The following PRKG1 variants were observed in gnomAD, a reference collection of about 807,000 sequenced individuals.
PRKG1 encodes the protein cGMP-dependent protein kinase 1.
In PRKG1, 35 loss-of-function variants were observed where a neutral mutation model predicts 88.1. The observed-to-expected ratio is 0.40, with a 90% CI of 0.30 to 0.53. The LOEUF (loss-of-function observed/expected upper bound fraction) is 0.53, where lower values mean the gene tolerates loss of function less well. Ranked by LOEUF, PRKG1 falls within the 20% of genes least tolerant of loss-of-function variation. The pLI is 0.59. For missense variants in PRKG1, 540 were observed against 839.8 expected (o/e 0.64, Z 4.41); for synonymous variants, 303 against 292.5 (o/e 1.04, Z -0.37).
chr10:52,124,743 AAT>A (rs1847893444), intron 7 of PRKG1, among the ~76,000 whole-genome samples: 1 of 151,710 alleles, frequency 6.6e-6, no homozygotes, highest in Admixed American at 6.6e-5. Context: ...GCTGTATAGA[AAT>A]AGTTTCTTCT....
At chr10:51,464,965 A>G (rs908853634) in intron 2 of PRKG1, among the ~76,000 whole-genome samples, 5 of 152,176 alleles carry the variant, frequency 3.3e-5, no homozygotes, top group Admixed American at 1.3e-4. Context: ...ACAAATTTTA[A>G]ACTTTGGAGA....
chr10:51,254,154 A>C (rs1234359694), intron 2 of PRKG1, among the ~76,000 whole-genome samples: 1 of 151,950 alleles, frequency 6.6e-6, no homozygotes, highest in Non-Finnish European at 1.5e-5. Flanking sequence ...TTGTTTAAAG[A>C]AATTTTATAG....
chr10:51,222,818 A>G (rs1474488958), intron 2 of PRKG1, among the ~76,000 whole-genome samples: 1 of 152,144 alleles, frequency 6.6e-6, no homozygotes, highest in Non-Finnish European at 1.5e-5. Context: ...AGTTTTCTGA[A>G]TTCTGCAGTT....
chr10:51,924,265 C>T (rs922850958), intron 5 of PRKG1, among the ~76,000 whole-genome samples: 1 of 152,128 alleles, frequency 6.6e-6, no homozygotes, highest in African/African-American at 2.4e-5. Context: ...CTAAGAAAGT[C>T]TTTATTTCTC....
At chr10:52,022,666 T>C (rs1845217256) in intron 5 of PRKG1, among the ~76,000 whole-genome samples, 2 of 152,222 alleles carry the variant, frequency 1.3e-5, no homozygotes, top group African/African-American at 4.8e-5. Flanking sequence ...ATAGCTCATC[T>C]GAAAATAATA....
At chr10:51,113,566 G>T (rs1173563940) in intron 1 of PRKG1, among the ~76,000 whole-genome samples, 1 of 151,944 alleles carries the variant, frequency 6.6e-6, no homozygotes, top group Non-Finnish European at 1.5e-5. Context: ...TACATGTGTA[G>T]AGAGCAACTA....
chr10:51,040,106 A>G (rs1461091214), intron 1 of PRKG1, among the ~76,000 whole-genome samples: 1 of 151,834 alleles, frequency 6.6e-6, no homozygotes, highest in Non-Finnish European at 1.5e-5. Context: ...TTTCTATTTC[A>G]GTGAAGAATG....
At chr10:51,667,621 A>G (rs1428454930) in intron 3 of PRKG1, among the ~76,000 whole-genome samples, 1 of 152,172 alleles carries the variant, frequency 6.6e-6, no homozygotes, top group Non-Finnish European at 1.5e-5. Flanking sequence ...ACTCCTACTG[A>G]GTGAGCATCG....
intron 2 of PRKG1, among the ~76,000 whole-genome samples, chr10:51,445,324 C>T (rs1007789444): frequency 6.6e-6 from 1 of 151,808 alleles, no homozygotes; most frequent in African/African-American, 2.4e-5. Context: ...TCGTAATCAT[C>T]ACAGGTGAAA....
At chr10:51,750,205 G>C (rs1231523854) in intron 3 of PRKG1, among the ~76,000 whole-genome samples, 3 of 152,036 alleles carry the variant, frequency 2.0e-5, no homozygotes, top group Non-Finnish European at 4.4e-5. Flanking sequence ...CAAAGTGCTG[G>C]TATTACAGGC....
chr10:51,431,817 G>T (rs1181182443), intron 2 of PRKG1, among the ~76,000 whole-genome samples: 1 of 151,962 alleles, frequency 6.6e-6, no homozygotes, highest in African/African-American at 2.4e-5. Flanking sequence ...CTATTTTTTA[G>T]TATATTTTAA....
At chr10:52,083,917 T>C (rs989857702) in intron 7 of PRKG1, among the ~76,000 whole-genome samples, 1 of 152,036 alleles carries the variant, frequency 6.6e-6, no homozygotes, top group Non-Finnish European at 1.5e-5. Flanking sequence ...AAACGAAATC[T>C]TTTGTGGCTT....
rs143785446 is a variant in PRKG1 at position 51,676,402 on chromosome 10, G to C, written c.593-128183G>C. ...TCCTTCATCTAAAATTTATGAGCAT[G>C]TTAAGACCTCATTTAAACCATTATA... On this transcript the variant is annotated intron_variant, in intron 3 of 17. Coordinates refer to ENST00000373980, the MANE Select transcript of PRKG1 (RefSeq NM_006258.4). Among the ~76,000 whole-genome samples, 214 of 144,194 alleles carry C rather than the reference G, an allele frequency of 1.5e-3. 1 individual carries two copies. The highest frequency in any genetic ancestry group is 5.1e-3 in the African/African-American group (197 of 38,674). 94.6% of individuals were successfully genotyped at this position (144,194 alleles called of 152,430 possible). A position where few individuals can be genotyped will look rare whatever the true frequency, so the allele number is the denominator to read the frequency against.
rs538714648 is a variant in PRKG1 at position 51,550,049 on chromosome 10, T to A, written c.592+82213T>A. The stretch of plus-strand genomic sequence containing the variant: ...TGATCATAATAGAATTGTGTCACCT[T>A]TAATAATACTCAATTCCCTTCCTGT... On this transcript the variant is annotated intron_variant, in intron 3 of 17. Transcript: ENST00000373980. 2.0e-5 allele frequency among the ~76,000 whole-genome samples: 3 copies of A among 152,260 alleles called. No individual in the cohort carries two copies. The East Asian group carries it at 5.8e-4, about 29-fold the overall frequency.
At chr10:51,932,539 G>A (rs1564714491) in intron 5 of PRKG1, among the ~76,000 whole-genome samples, 1 of 152,112 alleles carries the variant, frequency 6.6e-6, no homozygotes, top group Non-Finnish European at 1.5e-5. Flanking sequence ...TACTGCCACG[G>A]CCAGGTTTTA....
At chr10:51,556,525 A>G (rs1393562914) in intron 3 of PRKG1, among the ~76,000 whole-genome samples, 2 of 152,018 alleles carry the variant, frequency 1.3e-5, no homozygotes, top group Non-Finnish European at 2.9e-5. Context: ...AATGTCTTAT[A>G]TATACATCAC....
intron 4 of PRKG1, among the ~76,000 whole-genome samples, chr10:51,840,558 T>TTTAC (rs1373879517): frequency 1.3e-5 from 2 of 151,032 alleles, no homozygotes; most frequent in Non-Finnish European, 3.0e-5. Flanking sequence ...TATTTATTTA[T>TTTAC]TTATTGAGAC....
At chr10:51,758,429 T>C (rs1459808281) in intron 3 of PRKG1, among the ~76,000 whole-genome samples, 2 of 152,146 alleles carry the variant, frequency 1.3e-5, no homozygotes, top group Non-Finnish European at 2.9e-5. Context: ...TTATTGGCCC[T>C]CAGAAAATAG....
chr10:51,368,195 AC>A (rs1391511004), intron 2 of PRKG1, among the ~76,000 whole-genome samples: 1 of 152,024 alleles, frequency 6.6e-6, no homozygotes, highest in Non-Finnish European at 1.5e-5. Flanking sequence ...GTATTTCCTT[AC>A]CTATTGCAAG....
Sources: allele counts gnomAD v4.1 joint callset (sites outside exome capture counted in the v4.1 genomes callset), GRCh38; gene constraint gnomAD v4.1.1; transcripts MANE v1.5; gene names NCBI Gene and HGNC (gene_info 2026-07-23, HGNC 2026-07-21).